LAMA1: variants seen among roughly 807,000 people sequenced by gnomAD.
The protein encoded by LAMA1 is laminin subunit alpha-1.
Under a neutral mutation model 348.7 loss-of-function variants are expected in LAMA1, and 219 were observed. That is an observed-to-expected ratio of 0.63 (90% CI 0.56 to 0.70). LAMA1 has a LOEUF of 0.70. Among genes scored for constraint, LAMA1 ranks in the 30% least tolerant of loss-of-function variants. The pLI, the probability that LAMA1 is intolerant of heterozygous loss-of-function variation, is 0.00. For missense variants in LAMA1, 3,744 were observed against 3,888.0 expected, an observed-to-expected ratio of 0.96 and a Z score of 0.99; for synonymous variants, 1,487 against 1,491.0, an observed-to-expected ratio of 1.00 and a Z score of 0.06.
In LAMA1 at chr18:6,958,499, T is replaced by C; in HGVS notation, c.7942A>G (p.Lys2648Glu). ...TMRRSFHGCI[K>E]NLIFNLELLD... ...TACTCCAAATTGAAGATCAGGTTTT[T>C]GATACAGCCATGGAACGATCTTCTC... is the stretch of plus-strand genomic sequence containing the variant. The change falls in exon 55 of 63, where the codon AAA (lysine) becomes GAA (glutamate). Residue 2648 changes from lysine (K) to glutamate (E), a missense_variant. Transcript: ENST00000389658. The C allele has an allele frequency of 6.2e-7, 1 of 1,614,200 alleles. No homozygotes were observed.
In LAMA1 at chr18:7,080,011, T is replaced by C. The variant is rs2143782414; in HGVS notation, c.309A>G (p.Glu103=). ...CCAGAGTGATTGTGACCCAGTGATATTCTCTCCCATTCTGAATGCTGGGAC... is the reference window on the plus strand; with the variant it reads ...CCAGAGTGATTGTGACCCAGTGATACTCTCTCCCATTCTGAATGCTGGGAC... ...WQSPSIQNGR[E]YHWVTITLDL... Residue 103 remains glutamate, a synonymous_variant, in exon 3 of 63, where the codon GAA becomes GAG. Transcript: ENST00000389658. The C allele has an allele frequency of 6.2e-7, 1 of 1,614,172 alleles. No individual in the cohort carries two copies. Among genetic ancestry groups the C allele is most frequent in the Non-Finnish European group, 8.5e-7 (1 of 1,179,972 alleles).
Position 6,975,039 on chromosome 18 carries a change from G to C in LAMA1, c.6490-3C>G, listed in dbSNP as rs771017428. The stretch of plus-strand genomic sequence containing the variant: ...ATCTCCACTGCAAGGAAATCAGACT[G>C]GGGGGCGAGGAATGAACGGGGATCA... On this transcript the variant is annotated splice_region_variant and splice_polypyrimidine_tract_variant and intron_variant, in intron 45 of 62. Transcript: ENST00000389658. 1.2e-6 allele frequency: 2 copies of C among 1,613,166 alleles called. No individual in the cohort carries two copies. Among genetic ancestry groups the C allele is most frequent in the Admixed American group, 1.7e-5 (1 of 59,938 alleles).
intron 5 of LAMA1, 118 bp from the exon 6 acceptor site, chr18:7,046,485 ATAAT>A: frequency 1.6e-6 from 1 of 619,912 alleles, no homozygotes; most frequent in Admixed American, 3.1e-5. Context: ...AATCTAAAAT[ATAAT>A]TACATGTACA....
At chr18:7,021,209 G>A (rs1208802826) in intron 19 of LAMA1, among the ~76,000 whole-genome samples, 2 of 152,080 alleles carry the variant, frequency 1.3e-5, no homozygotes, top group African/African-American at 4.8e-5. Flanking sequence ...GGCCACCCTG[G>A]GCTGATGGGC....
chr18:7,048,965 A>C, intron 5 of LAMA1, 113 bp downstream of exon 5: 1 of 1,021,488 alleles, frequency 9.8e-7, no homozygotes, highest in Non-Finnish European at 1.5e-6. Context: ...GCAAGAAAAA[A>C]GGCCAACATG....
intron 14 of LAMA1, among the ~76,000 whole-genome samples, chr18:7,033,681 T>C (rs192758529): frequency 1.3e-5 from 2 of 152,046 alleles, no homozygotes; most frequent in African/African-American, 4.8e-5. Context: ...CATTCAATTA[T>C]CACAAATAGA....
intron 61 of LAMA1, among the ~76,000 whole-genome samples, chr18:6,945,641 A>G (rs922981667): frequency 6.6e-6 from 1 of 152,164 alleles, no homozygotes; most frequent in African/African-American, 2.4e-5. Flanking sequence ...CTGATTCCCC[A>G]TGGCCTCTGT....
intron 36 of LAMA1, among the ~76,000 whole-genome samples, chr18:6,987,776 C>T (rs551686378): frequency 5.3e-5 from 8 of 152,190 alleles, no homozygotes; most frequent in African/African-American, 1.9e-4. Context: ...AGAATAACAT[C>T]GGCACTTATA....
chr18:6,982,131 T>C (rs1201489454), intron 41 of LAMA1, among the ~76,000 whole-genome samples: 4 of 152,088 alleles, frequency 2.6e-5, no homozygotes, highest in Admixed American at 2.6e-4. Flanking sequence ...TCAAGCATAA[T>C]ACATCTCCTC....
chr18:7,022,154 A>G (rs1348247240), intron 19 of LAMA1, among the ~76,000 whole-genome samples: 3 of 152,044 alleles, frequency 2.0e-5, no homozygotes, highest in African/African-American at 7.2e-5. Flanking sequence ...GTAGCTTCCC[A>G]GTAGACTTGA....
intron 49 of LAMA1, chr18:6,965,904 G>C (rs1421947590): frequency 3.8e-6 from 2 of 524,802 alleles, no homozygotes; most frequent in African/African-American, 3.8e-5. Flanking sequence ...ATAAAGACTA[G>C]AAGGCTAGTT....
At chr18:6,996,383 C>T (rs1267321361) in intron 33 of LAMA1, among the ~76,000 whole-genome samples, 1 of 152,146 alleles carries the variant, frequency 6.6e-6, no homozygotes, top group Admixed American at 6.6e-5. Context: ...TAGGAATGGC[C>T]ATCCCTTTTA....
chr18:7,011,218 C>T (rs765167961), intron 25 of LAMA1, 82 bp downstream of exon 25: 7 of 1,460,374 alleles, frequency 4.8e-6, no homozygotes, highest in South Asian at 1.2e-5. Context: ...AATGACAGGC[C>T]GGCCCAGACT....
At position 6,964,818 on chromosome 18, in the gene LAMA1, C is replaced by G; in HGVS notation, c.7196-15G>C. On this transcript the variant is annotated splice_polypyrimidine_tract_variant and intron_variant, in intron 50 of 62. Coordinates refer to ENST00000389658, the MANE Select transcript of LAMA1 (RefSeq NM_005559.4). ...TGCTAGCACTCCTAAAAGGAGAGCA[C>G]AGGCAAGAGATAAGAAAAGGAAAAT... 6.2e-7 allele frequency: 1 copy of G among 1,613,746 alleles called. No homozygotes were observed. The highest frequency in any genetic ancestry group is 8.5e-7 in the Non-Finnish European group (1 of 1,179,828).
At chr18:6,954,543 A>G (rs557404303) in intron 57 of LAMA1, 1 of 153,178 alleles carries the variant, frequency 6.5e-6, no homozygotes, top group East Asian at 1.9e-4. Flanking sequence ...TAAAGTCGAG[A>G]CTGTGAGAGG....
chr18:7,062,762 C>T (rs1405363382), intron 3 of LAMA1, among the ~76,000 whole-genome samples: 1 of 152,164 alleles, frequency 6.6e-6, no homozygotes, highest in African/African-American at 2.4e-5. Flanking sequence ...TCCTACATGG[C>T]CCCAAAGCCC....
In LAMA1 at chr18:7,012,072, G is replaced by T. The variant is rs754574679; in HGVS notation, c.3430C>A (p.Pro1144Thr). ...EGTFALRADN[P>T]LGCSPCFCSG... ...CAGAAGCACGGGCTGCAGCCCAGGGGGTTGTCTGCGCGGAGAGCGAAGGTG... is the reference window on the plus strand; with the variant it reads ...CAGAAGCACGGGCTGCAGCCCAGGGTGTTGTCTGCGCGGAGAGCGAAGGTG... Residue 1144 changes from proline to threonine, a missense_variant, in exon 24 of 63, where the codon CCC (proline) becomes ACC (threonine). Pro to Thr is a conservative substitution (Grantham distance 38). This residue lies in a region of LAMA1 where 1,529 missense variants were observed against 1,689.4 expected (regional missense o/e 0.91). Transcript: ENST00000389658. 4 of 1,613,084 alleles carry T rather than the reference G, an allele frequency of 2.5e-6. No individual in the cohort carries two copies. The highest frequency in any genetic ancestry group is 8.5e-7 in the Non-Finnish European group (1 of 1,179,568).
intron 1 of LAMA1, among the ~76,000 whole-genome samples, chr18:7,080,726 G>A (rs1029493438): frequency 3.9e-5 from 6 of 152,092 alleles, no homozygotes; most frequent in Non-Finnish European, 7.3e-5. Flanking sequence ...AGGGTAATAC[G>A]TTCATATCTC....
At chr18:7,087,883 G>T (rs2058223998) in intron 1 of LAMA1, among the ~76,000 whole-genome samples, 1 of 152,112 alleles carries the variant, frequency 6.6e-6, no homozygotes, top group African/African-American at 2.4e-5. Context: ...AGATCATGTA[G>T]GTAAAGGGTT....
Sources: gnomAD v4.1 joint callset for allele counts (sites outside exome capture counted in the v4.1 genomes callset) on GRCh38, gnomAD v4.1.1 for gene constraint, gnomAD v4.1.1 regional missense constraint, MANE v1.5 for transcripts, NCBI Gene and HGNC (gene_info 2026-07-23, HGNC 2026-07-21) for gene names.